Variants in SLC35F4 observed in about 807,000 individuals in gnomAD.
The protein encoded by SLC35F4 is chromosome 14 open reading frame 36.
A neutral mutation model predicts 44.2 loss-of-function variants in SLC35F4; 24 were observed. That is an observed-to-expected ratio of 0.54 (90% CI 0.39 to 0.76). SLC35F4 has a LOEUF of 0.76. Among genes scored for constraint, SLC35F4 ranks in the 30% least tolerant of loss-of-function variants. The probability of loss-of-function intolerance (pLI) is 0.00; values close to 1 mark genes in which losing one functional copy is unlikely to be tolerated. For missense variants in SLC35F4, 562 were observed against 586.1 expected (o/e 0.96, Z 0.42); for synonymous variants, 238 against 223.6 (o/e 1.06, Z -0.57).
intron 1 of SLC35F4, among the ~76,000 whole-genome samples, chr14:57,849,149 AG>A (rs1339996268): frequency 2.0e-5 from 3 of 152,152 alleles, no homozygotes; most frequent in Non-Finnish European, 4.4e-5. Flanking sequence ...CACATAAAAA[AG>A]AATCACAACA....
At position 57,880,030 on chromosome 14, in the gene SLC35F4, GAGGGAGGAAGGA is replaced by G. The variant is rs1291363659; in HGVS notation, n.282+101871_282+101882del. On this transcript the variant is annotated intron_variant and non_coding_transcript_variant, in intron 1 of 1. Coordinates refer to the SLC35F4 transcript ENST00000556568. ...GAAGGGAAAGGAAAGGAAAGGAAAG[GAGGGAGGAAGGA>G]AGGAAGGAAGGAAGGAAGGAAGGAA... Among the ~76,000 whole-genome samples, 93 of 120,164 alleles carry G rather than the reference GAGGGAGGAAGGA, an allele frequency of 7.7e-4. 1 individual carries two copies. Among genetic ancestry groups the G allele is most frequent in the African/African-American group, 2.3e-3 (66 of 28,580 alleles). The allele number at this position is 120,164 out of a possible 152,430, so 78.8% of individuals were successfully genotyped here. A position where few individuals can be genotyped will look rare whatever the true frequency, so the allele number is the denominator to read the frequency against.
At chr14:57,778,727 CAA>C (rs1254773978) in intron 1 of SLC35F4, among the ~76,000 whole-genome samples, 1 of 150,922 alleles carries the variant, frequency 6.6e-6, no homozygotes, top group Non-Finnish European at 1.5e-5. Flanking sequence ...AGATATAAAA[CAA>C]TGCTCAGCAA....
intron 1 of SLC35F4, chr14:57,602,565 A>G (rs1369536595): frequency 6.6e-6 from 1 of 152,190 alleles, no homozygotes; most frequent in Non-Finnish European, 1.5e-5. Flanking sequence ...AAGAACATTA[A>G]TAATAGTATT....
At chr14:57,681,262 G>T (rs1211761020) in intron 1 of SLC35F4, among the ~76,000 whole-genome samples, 1 of 151,966 alleles carries the variant, frequency 6.6e-6, no homozygotes, top group Non-Finnish European at 1.5e-5. Context: ...ATGAAAACAA[G>T]CAATGGGGAA....
chr14:57,932,867 C>T (rs898531616), intron 1 of SLC35F4, among the ~76,000 whole-genome samples: 48 of 151,982 alleles, frequency 3.2e-4, no homozygotes, highest in African/African-American at 1.2e-3. Flanking sequence ...TGAAGCTGAT[C>T]TCTCTGTGTG....
chr14:57,753,489 A>G lies in SLC35F4; in HGVS notation c.103+112234T>C, dbSNP rs1034061406. ...GATGAGTATGGGGGAGGGGTTTCCTAGATACCTCACACCATGGTCTTTTCA... is the reference window on the plus strand; with the variant it reads ...GATGAGTATGGGGGAGGGGTTTCCTGGATACCTCACACCATGGTCTTTTCA... On this transcript the variant is annotated intron_variant, in intron 1 of 7. Transcript: ENST00000556826. Among the ~76,000 whole-genome samples, 4 of 152,198 alleles carry G rather than the reference A, an allele frequency of 2.6e-5. No homozygotes were observed. In the East Asian group the frequency reaches 7.8e-4, roughly 30 times the overall value.
At chr14:57,632,391 T>C (rs1444647823) in intron 1 of SLC35F4, among the ~76,000 whole-genome samples, 5 of 151,404 alleles carry the variant, frequency 3.3e-5, no homozygotes, top group African/African-American at 4.9e-5. Flanking sequence ...AAAAAAAGAG[T>C]AGATGAGGAG....
chr14:57,830,947 C>T (rs1269499197), intron 1 of SLC35F4, among the ~76,000 whole-genome samples: 1 of 152,154 alleles, frequency 6.6e-6, no homozygotes, highest in African/African-American at 2.4e-5. Flanking sequence ...TAGAGAACAC[C>T]AGCACTTATT....
At chr14:57,803,236 CT>C (rs1311155086) in intron 1 of SLC35F4, among the ~76,000 whole-genome samples, 1 of 152,256 alleles carries the variant, frequency 6.6e-6, no homozygotes, top group South Asian at 2.1e-4. Context: ...CAGAAAAGGC[CT>C]TTGATAAAAT....
chr14:57,804,589 C>G (rs1350754483), intron 1 of SLC35F4, among the ~76,000 whole-genome samples: 1 of 152,114 alleles, frequency 6.6e-6, no homozygotes, highest in Non-Finnish European at 1.5e-5. Context: ...GAAACTGGAC[C>G]CTTTCCTTAC....
Position 57,899,181 on chromosome 14 carries a change from G to A in SLC35F4, n.282+82732C>T, listed in dbSNP as rs1020304691. Among the ~76,000 whole-genome samples the A allele has an allele frequency of 3.9e-5, 6 of 152,256 alleles. No individual in the cohort carries two copies. In the South Asian group the frequency reaches 1.0e-3, roughly 26 times the overall value. On this transcript the variant is annotated intron_variant and non_coding_transcript_variant, in intron 1 of 1. Transcript: ENST00000556568. ...TAATACTAGTTATCCTTTTCTCACT[G>A]TCTACCTGCCATTGCCACGTATTAC...
At position 57,941,709 on chromosome 14, in the gene SLC35F4, T is replaced by TA. The variant is rs146609565; in HGVS notation, n.282+40203dup. ...ATGTTAGGCTAATTTCAGCTCAATT[T>TA]AAAAAAAAAAGCTTATGACCATTAA... On this transcript the variant is annotated intron_variant and non_coding_transcript_variant, in intron 1 of 1. Transcript: ENST00000556568. Among the ~76,000 whole-genome samples, 567 of 148,296 alleles carry TA rather than the reference T, an allele frequency of 3.8e-3. 4 individuals are homozygous for TA. The highest frequency in any genetic ancestry group is 0.012 in the African/African-American group (505 of 40,540).
chr14:57,678,266 G>T (rs2074768120), intron 1 of SLC35F4, among the ~76,000 whole-genome samples: 1 of 152,032 alleles, frequency 6.6e-6, no homozygotes, highest in South Asian at 2.1e-4. Flanking sequence ...TTCATATCCA[G>T]CCAAACTAAG....
At chr14:57,974,539 G>C (rs566774299), downstream of SLC35F4, among the ~76,000 whole-genome samples, 4 of 152,226 alleles carry the variant, frequency 2.6e-5, no homozygotes, top group African/African-American at 7.2e-5. Context: ...AATATTTACT[G>C]CTTGCTTAGA....
chr14:57,574,993 A>G (rs1381765733), intron 4 of SLC35F4, among the ~76,000 whole-genome samples: 1 of 152,192 alleles, frequency 6.6e-6, no homozygotes, highest in Admixed American at 6.5e-5. Flanking sequence ...TGTGTCAAAA[A>G]TGCTCATATG....
chr14:57,762,629 C>A (rs1858998196), intron 1 of SLC35F4, among the ~76,000 whole-genome samples: 1 of 152,124 alleles, frequency 6.6e-6, no homozygotes, highest in African/African-American at 2.4e-5. Context: ...CATGAGGGCT[C>A]TGCCCTTATG....
intron 1 of SLC35F4, among the ~76,000 whole-genome samples, chr14:57,724,403 C>A (rs2076154997): frequency 6.6e-6 from 1 of 152,164 alleles, no homozygotes; most frequent in African/African-American, 2.4e-5. Flanking sequence ...TGGCCTGTTA[C>A]TGGGTTTTGG....
chr14:57,800,255 C>T (rs1173066244), intron 1 of SLC35F4, among the ~76,000 whole-genome samples: 1 of 136,632 alleles, frequency 7.3e-6, no homozygotes, highest in Non-Finnish European at 1.5e-5. Flanking sequence ...TCCCCAGCAA[C>T]CTGCAGCAGT....
chr14:57,906,246 T>C (rs114959666), intron 1 of SLC35F4, among the ~76,000 whole-genome samples: 194 of 152,338 alleles, frequency 1.3e-3, no homozygotes, highest in African/African-American at 4.5e-3. Context: ...TGACTGCCAC[T>C]TACAATTTGG....
Sources: gnomAD v4.1 joint callset for allele counts (sites outside exome capture counted in the v4.1 genomes callset) on GRCh38, gnomAD v4.1.1 for gene constraint, MANE v1.5 for transcripts, NCBI Gene and HGNC (gene_info 2026-07-23, HGNC 2026-07-21) for gene names.